Variants in MDGA2 observed in about 807,000 individuals in gnomAD.
The protein encoded by MDGA2 is MAM domain-containing glycosylphosphatidylinositol anchor protein 2.
MDGA2 carries 40 observed loss-of-function variants against 117.8 expected under a neutral mutation model. The observed-to-expected ratio is 0.34, with a 90% CI of 0.26 to 0.44. The LOEUF (loss-of-function observed/expected upper bound fraction) is 0.44. Ranked by LOEUF, MDGA2 falls within the 20% of genes least tolerant of loss-of-function variation. The pLI, the probability that MDGA2 is intolerant of heterozygous loss-of-function variation, is 1.00. For synonymous variants in MDGA2, 452 were observed against 439.0 expected (o/e 1.03, Z -0.37); for missense variants, 1,123 against 1,250.6 (o/e 0.90, Z 1.54).
chr14:47,592,463 G>A (rs1258107657), intron 1 of MDGA2, among the ~76,000 whole-genome samples: 2 of 152,068 alleles, frequency 1.3e-5, no homozygotes, highest in Non-Finnish European at 2.9e-5. Context: ...CAAAGCTGGA[G>A]GCATCCTGTT....
intron 1 of MDGA2, among the ~76,000 whole-genome samples, chr14:47,616,508 C>T (rs1367318090): frequency 6.6e-6 from 1 of 152,130 alleles, no homozygotes; most frequent in Admixed American, 6.5e-5. Flanking sequence ...ATCTCAGACA[C>T]CTTTTGCTTG....
intron 10 of MDGA2, among the ~76,000 whole-genome samples, chr14:46,889,294 A>T (rs937159473): frequency 6.6e-6 from 1 of 152,058 alleles, no homozygotes; most frequent in African/African-American, 2.4e-5. Context: ...CACTTTTCAC[A>T]TCATAGAAAT....
intron 1 of MDGA2, among the ~76,000 whole-genome samples, chr14:47,588,012 T>A (rs10135322): frequency 1.1e-4 from 16 of 151,248 alleles, no homozygotes; most frequent in South Asian, 2.1e-4. Context: ...TTCACTTAAC[T>A]TGTTTTCAAG....
chr14:47,588,492 A>G (rs1896375060), intron 1 of MDGA2, among the ~76,000 whole-genome samples: 1 of 151,740 alleles, frequency 6.6e-6, no homozygotes, highest in Non-Finnish European at 1.5e-5. Flanking sequence ...ATAATGTTGG[A>G]TATCTTTCCA....
At chr14:47,214,017 G>T (rs187800140) in intron 3 of MDGA2, among the ~76,000 whole-genome samples, 1 of 152,014 alleles carries the variant, frequency 6.6e-6, no homozygotes, top group Non-Finnish European at 1.5e-5. Flanking sequence ...AGCGAAGAGG[G>T]GGGTAAAGAG....
In MDGA2 at chr14:47,580,321, AAAG is replaced by A. The variant is rs537815917; in HGVS notation, c.280+94193_280+94195del. On this transcript the variant is annotated intron_variant, in intron 1 of 16. Coordinates refer to ENST00000399232, the MANE Select transcript of MDGA2 (RefSeq NM_001113498.3). The stretch of plus-strand genomic sequence containing the variant: ...CTATGTCCTCATGTGGTGAAGGAGC[AAAG>A]AAGCTCCCTCACACCTCTTTTATAA... 1.3e-3 allele frequency among the ~76,000 whole-genome samples: 193 copies of A among 152,148 alleles called. 1 individual carries two copies. Among genetic ancestry groups the A allele is most frequent in the Non-Finnish European group, 1.2e-3 (82 of 67,978 alleles).
rs1208205114 is a variant in MDGA2, at chr14:46,955,391, T to TTTTG, written c.2089+1982_2089+1983insCAAA. Among the ~76,000 whole-genome samples, 8 of 152,208 alleles carry TTTTG rather than the reference T, an allele frequency of 5.3e-5. No individual in the cohort carries two copies. In the East Asian group the frequency reaches 1.5e-3, roughly 29 times the overall value. On this transcript the variant is annotated intron_variant, in intron 9 of 16. Coordinates refer to ENST00000399232, the MANE Select transcript of MDGA2 (RefSeq NM_001113498.3). ...TAAACCTCATAAAACTGCTATGACTTCACCATTAAAATACGAGTAAATAAA... is the reference window on the plus strand; with the variant it reads ...TAAACCTCATAAAACTGCTATGACTTTTTGCACCATTAAAATACGAGTAAATAAA...
intron 1 of MDGA2, among the ~76,000 whole-genome samples, chr14:47,531,011 C>T (rs1038877221): frequency 2.0e-5 from 3 of 151,958 alleles, no homozygotes; most frequent in South Asian, 2.1e-4. Flanking sequence ...TTTGGGAGGC[C>T]GAGGTGGGCG....
intron 8 of MDGA2, among the ~76,000 whole-genome samples, chr14:46,970,931 A>G (rs533416132): frequency 2.0e-5 from 3 of 152,296 alleles, no homozygotes; most frequent in South Asian, 2.1e-4. Flanking sequence ...CAGGTATCTG[A>G]AAAACTGCTC....
intron 1 of MDGA2, among the ~76,000 whole-genome samples, chr14:47,409,345 A>G (rs1008229487): frequency 1.3e-5 from 2 of 152,212 alleles, no homozygotes; most frequent in Non-Finnish European, 2.9e-5. Flanking sequence ...TAAATAATTT[A>G]AAAATGTACA....
chr14:47,383,315 T>C (rs1891678281), intron 1 of MDGA2, among the ~76,000 whole-genome samples: 1 of 151,748 alleles, frequency 6.6e-6, no homozygotes, highest in African/African-American at 2.4e-5. Flanking sequence ...ATGCATGTTG[T>C]GCACATGTAC....
In MDGA2 at chr14:47,408,056, C is replaced by CTTTT. The variant is rs56285818; in HGVS notation, c.281-106510_281-106507dup. 4.2e-3 allele frequency among the ~76,000 whole-genome samples: 478 copies of CTTTT among 115,092 alleles called. 10 individuals carry two copies. Among genetic ancestry groups the CTTTT allele is most frequent in the East Asian group, 7.3e-3 (27 of 3,722 alleles). 75.5% of individuals were successfully genotyped at this position (115,092 alleles called of 152,430 possible). A position where few individuals can be genotyped will look rare whatever the true frequency, so the allele number is the denominator to read the frequency against. On this transcript the variant is annotated intron_variant, in intron 1 of 16. Coordinates refer to ENST00000399232, the MANE Select transcript of MDGA2 (RefSeq NM_001113498.3). The stretch of plus-strand genomic sequence containing the variant: ...TGAGCCTTAAAATAGGGAGATTATT[C>CTTTT]TTTTTTTTTTTTTTTTTTTTGGTGG...
At chr14:46,860,322 C>A (rs896213674) in intron 14 of MDGA2, among the ~76,000 whole-genome samples, 12 of 151,890 alleles carry the variant, frequency 7.9e-5, no homozygotes, top group Admixed American at 2.6e-4. Context: ...AAATATTCAA[C>A]TAAGGTTTCT....
intron 6 of MDGA2, among the ~76,000 whole-genome samples, chr14:47,074,084 T>C (rs1191144333): frequency 1.3e-5 from 2 of 152,002 alleles, no homozygotes; most frequent in Non-Finnish European, 2.9e-5. Flanking sequence ...TAAATTAGCA[T>C]GATCATAATT....
chr14:47,178,175 A>G (rs980487314), intron 3 of MDGA2, among the ~76,000 whole-genome samples: 2 of 152,190 alleles, frequency 1.3e-5, no homozygotes, highest in African/African-American at 2.4e-5. Context: ...ATTAAAATTC[A>G]TTTGAAAAGG....
chr14:47,069,138 T>A (rs914532472), intron 6 of MDGA2, among the ~76,000 whole-genome samples: 1 of 152,220 alleles, frequency 6.6e-6, no homozygotes, highest in Non-Finnish European at 1.5e-5. Flanking sequence ...AATGGTGAAA[T>A]ACCAGTTGCA....
At chr14:47,645,941 G>A (rs1897523463) in intron 1 of MDGA2, among the ~76,000 whole-genome samples, 1 of 151,796 alleles carries the variant, frequency 6.6e-6, no homozygotes, top group Non-Finnish European at 1.5e-5. Flanking sequence ...TTAGCCGGGC[G>A]TGGTGGCAGG....
Position 46,888,427 on chromosome 14 carries a change from T to C in MDGA2, c.2239-6206A>G, listed in dbSNP as rs979705402. On this transcript the variant is annotated intron_variant, in intron 10 of 16. Coordinates refer to ENST00000399232, the MANE Select transcript of MDGA2 (RefSeq NM_001113498.3). ...TCTTCATGTCAATTTTAAAAATCCA[T>C]TTAATTTTTTCTTTTATCCCCAGGA... Among the ~76,000 whole-genome samples, 4 of 151,940 alleles carry C rather than the reference T, an allele frequency of 2.6e-5. 1 individual carries two copies. The highest frequency in any genetic ancestry group is 7.2e-5 in the African/African-American group (3 of 41,428).
chr14:47,245,076 T>G (rs1229341734), intron 2 of MDGA2, among the ~76,000 whole-genome samples: 1 of 151,796 alleles, frequency 6.6e-6, no homozygotes. Flanking sequence ...CAGGCTGGAG[T>G]GCAGTGGCAA....
Sources: gnomAD v4.1 joint callset for allele counts (sites outside exome capture counted in the v4.1 genomes callset) on GRCh38, gnomAD v4.1.1 for gene constraint, MANE v1.5 for transcripts, NCBI Gene and HGNC (gene_info 2026-07-23, HGNC 2026-07-21) for gene names.